PPP4R3A: variants seen among roughly 807,000 people sequenced by gnomAD.
PPP4R3A encodes protein phosphatase 4 regulatory subunit 3A.
A neutral mutation model predicts 91.7 loss-of-function variants in PPP4R3A; 15 were observed. That is an observed-to-expected ratio of 0.16 (90% confidence interval 0.11 to 0.25). The LOEUF (loss-of-function observed/expected upper bound fraction) is 0.25. PPP4R3A is among the 10% of genes least tolerant of loss of function. The pLI, the probability that PPP4R3A is intolerant of heterozygous loss-of-function variation, is 1.00. For missense variants in PPP4R3A, 623 were observed against 998.4 expected, an observed-to-expected ratio of 0.62 and a Z score of 5.07; for synonymous variants, 377 against 348.7, an observed-to-expected ratio of 1.08 and a Z score of -0.91.
Position 91,510,111 on chromosome 14 carries a change from TC to T in PPP4R3A, c.-465del. ...ACCGCGGCCAGTGGCTCCCTTCCGC[TC>T]CCCCTGTTTTAAACGTCAGAAGCCG... is the stretch of plus-strand genomic sequence containing the variant. On this transcript the variant is annotated 5_prime_UTR_variant, in exon 1 of 15. Coordinates refer to ENST00000554943, the MANE Select transcript of PPP4R3A (RefSeq NM_001366432.2). The T allele has an allele frequency of 5.1e-6, 1 of 195,826 alleles. No individual in the cohort carries two copies. Among genetic ancestry groups the T allele is most frequent in the Non-Finnish European group, 9.3e-6 (1 of 107,242 alleles). The allele number at this position is 195,826 out of a possible 1,614,324, so 12.1% of individuals were successfully genotyped here. A position where few individuals can be genotyped will look rare whatever the true frequency, so the allele number is the denominator to read the frequency against.
At chr14:91,500,918 G>C (rs1252651257) in intron 1 of PPP4R3A, among the ~76,000 whole-genome samples, 1 of 152,142 alleles carries the variant, frequency 6.6e-6, no homozygotes, top group Non-Finnish European at 1.5e-5. Context: ...TGTAGTACCA[G>C]CTACTTGGGA....
chr14:91,460,642 T>TC (rs1888083254), intron 14 of PPP4R3A, among the ~76,000 whole-genome samples: 1 of 144,326 alleles, frequency 6.9e-6, no homozygotes, highest in South Asian at 2.3e-4. Flanking sequence ...TGTTCCTTTT[T>TC]TTTTTTTTTT....
At chr14:91,492,037 A>C (rs1206607541) in intron 1 of PPP4R3A, among the ~76,000 whole-genome samples, 1 of 152,234 alleles carries the variant, frequency 6.6e-6, no homozygotes, top group East Asian at 1.9e-4. Flanking sequence ...TACTTTTAGC[A>C]GTAAAGACAT....
intron 10 of PPP4R3A, among the ~76,000 whole-genome samples, chr14:91,469,048 T>G (rs2140083935): frequency 6.7e-6 from 1 of 149,956 alleles, no homozygotes; most frequent in East Asian, 2.0e-4. Flanking sequence ...AAGATGCCAC[T>G]GACTAAGCTA....
intron 2 of PPP4R3A, among the ~76,000 whole-genome samples, chr14:91,486,502 G>T (rs1390464754): frequency 1.3e-5 from 2 of 152,048 alleles, no homozygotes; most frequent in Admixed American, 1.3e-4. Flanking sequence ...AAAATTTAAT[G>T]AACAGTTCAA....
In PPP4R3A at chr14:91,461,429, AGGAGAGCCT is replaced by A. The variant is rs757688876; in HGVS notation, c.2334_2342del (p.Pro781_Ser783del). On this transcript the variant is annotated inframe_deletion, in exon 14 of 15. Transcript: ENST00000554943. ...GAGATGTATTTTTAGGTACGGATCCAGGAGAGCCTGGAGATCCTGGGGATCCAGGTGATC... is the reference window on the plus strand; with the variant it reads ...GAGATGTATTTTTAGGTACGGATCCAGGAGATCCTGGGGATCCAGGTGATC... The A allele has an allele frequency of 1.9e-6, 3 of 1,614,130 alleles. No individual in the cohort carries two copies. Among genetic ancestry groups the A allele is most frequent in the Non-Finnish European group, 1.7e-6 (2 of 1,179,952 alleles).
chr14:91,491,761 A>G (rs187037886), intron 1 of PPP4R3A, among the ~76,000 whole-genome samples: 1 of 152,182 alleles, frequency 6.6e-6, no homozygotes, highest in Non-Finnish European at 1.5e-5. Flanking sequence ...GTAACCTAAG[A>G]AATGTTTTTC....
chr14:91,470,127 C>T (rs1888750897), intron 10 of PPP4R3A, among the ~76,000 whole-genome samples: 1 of 152,104 alleles, frequency 6.6e-6, no homozygotes, highest in Admixed American at 6.5e-5. Flanking sequence ...AAATCTCTTA[C>T]AGAACCTCTA....
intron 1 of PPP4R3A, among the ~76,000 whole-genome samples, chr14:91,498,197 T>C (rs1295759961): frequency 1.3e-5 from 2 of 151,940 alleles, no homozygotes; most frequent in Non-Finnish European, 2.9e-5. Context: ...TAGCTGGGTG[T>C]GGTGGTGCAT....
At chr14:91,502,942 C>G (rs1373756966) in intron 1 of PPP4R3A, among the ~76,000 whole-genome samples, 1 of 152,216 alleles carries the variant, frequency 6.6e-6, no homozygotes, top group Non-Finnish European at 1.5e-5. Context: ...CAAAGACACT[C>G]TTCAGTGTGT....
chr14:91,485,395 T>G (rs1889821710), intron 3 of PPP4R3A, among the ~76,000 whole-genome samples: 1 of 152,166 alleles, frequency 6.6e-6, no homozygotes, highest in Admixed American at 6.5e-5. Context: ...CTAGTGAACA[T>G]GAAAAGAGAA....
intron 4 of PPP4R3A, among the ~76,000 whole-genome samples, chr14:91,477,627 T>G (rs1889287612): frequency 6.6e-6 from 1 of 152,208 alleles, no homozygotes; most frequent in South Asian, 2.1e-4. Context: ...TCATCACTAT[T>G]TTTTCATCAA....
At chr14:91,500,611 T>C (rs1362930484) in intron 1 of PPP4R3A, among the ~76,000 whole-genome samples, 2 of 152,180 alleles carry the variant, frequency 1.3e-5, no homozygotes, top group African/African-American at 2.4e-5. Context: ...CAAGCATTAA[T>C]AATGACCCAT....
At chr14:91,477,054 G>T (rs2140102916) in intron 4 of PPP4R3A, 68 bp from the exon 5 acceptor site, 2 of 1,228,044 alleles carry the variant, frequency 1.6e-6, no homozygotes, top group South Asian at 1.4e-5. Flanking sequence ...TTTCAGGAAT[G>T]CTTTAATATA....
chr14:91,480,788 C>T (rs1889508879), intron 4 of PPP4R3A, among the ~76,000 whole-genome samples: 1 of 152,196 alleles, frequency 6.6e-6, no homozygotes, highest in African/African-American at 2.4e-5. Flanking sequence ...GTAATCCCAA[C>T]ACTTTGCAAG....
At position 91,458,537 on chromosome 14, in the gene PPP4R3A, C is replaced by T. The variant is rs913132395; in HGVS notation, c.*222G>A. Reference sequence around the variant, plus strand: ...CCTGAGAAAAGGGCAATGTGTGGTCCAAGCTGGAGAGCTCAAAGGCTTAAG... The same window carrying T: ...CCTGAGAAAAGGGCAATGTGTGGTCTAAGCTGGAGAGCTCAAAGGCTTAAG... On this transcript the variant is annotated 3_prime_UTR_variant, in exon 15 of 15. Coordinates refer to ENST00000554943, the MANE Select transcript of PPP4R3A (RefSeq NM_001366432.2). 1.6e-6 allele frequency: 1 copy of T among 640,806 alleles called. No individual in the cohort carries two copies. Among genetic ancestry groups the T allele is most frequent in the African/African-American group, 1.8e-5 (1 of 55,030 alleles). The allele number at this position is 640,806 out of a possible 1,614,324, so 39.7% of individuals were successfully genotyped here. A position where few individuals can be genotyped will look rare whatever the true frequency, so the allele number is the denominator to read the frequency against.
Position 91,506,777 on chromosome 14 carries a change from C to T in PPP4R3A, c.142+2729G>A, listed in dbSNP as rs376679012. Among the ~76,000 whole-genome samples the T allele has an allele frequency of 9.9e-5, 15 of 152,012 alleles. No individual in the cohort carries two copies. The East Asian group carries it at 2.5e-3, about 26-fold the overall frequency. On this transcript the variant is annotated intron_variant, in intron 1 of 14. Coordinates refer to ENST00000554943, the MANE Select transcript of PPP4R3A (RefSeq NM_001366432.2). Reference sequence around the variant, plus strand: ...GTTGCCCAGGCTGGTCTTGAACTCCCGAGCCCACACAATCCGTCGGCCTGG... The same window carrying T: ...GTTGCCCAGGCTGGTCTTGAACTCCTGAGCCCACACAATCCGTCGGCCTGG...
At chr14:91,477,626 T>A (rs1889287456) in intron 4 of PPP4R3A, among the ~76,000 whole-genome samples, 1 of 152,210 alleles carries the variant, frequency 6.6e-6, no homozygotes, top group Non-Finnish European at 1.5e-5. Flanking sequence ...CTCATCACTA[T>A]TTTTTCATCA....
At position 91,470,968 on chromosome 14, in the gene PPP4R3A, G is replaced by GC; in HGVS notation, c.1528dup (p.Ala510GlyfsTer24). 6.2e-7 allele frequency: 1 copy of GC among 1,603,126 alleles called. No homozygotes were observed. The highest frequency in any genetic ancestry group is 8.5e-7 in the Non-Finnish European group (1 of 1,177,674). The stretch of plus-strand genomic sequence containing the variant: ...AAATGTTAACAATTCCAATACAAGT[G>GC]CCAATAGTTGGGCAGTCTGAAAATC... On this transcript the variant is annotated frameshift_variant, in exon 10 of 15. Coordinates refer to ENST00000554943, the MANE Select transcript of PPP4R3A (RefSeq NM_001366432.2). LOFTEE classifies it high-confidence loss of function.
Sources: allele counts gnomAD v4.1 joint callset (sites outside exome capture counted in the v4.1 genomes callset), GRCh38; gene constraint gnomAD v4.1.1; transcripts MANE v1.5; gene names NCBI Gene and HGNC (gene_info 2026-07-23, HGNC 2026-07-21).